The following CSMD1 variants were observed in gnomAD, a reference collection of about 807,000 sequenced individuals.
CSMD1 encodes the protein CUB and Sushi multiple domains 1.
Under a neutral mutation model 417.5 loss-of-function variants are expected in CSMD1, and 213 were observed. The ratio of observed to expected loss-of-function variants is 0.51; its 90% CI spans 0.46 to 0.57. The LOEUF (loss-of-function observed/expected upper bound fraction) is 0.57. Ranked by LOEUF, CSMD1 falls within the 20% of genes least tolerant of loss-of-function variation. The pLI, the probability that CSMD1 is intolerant of heterozygous loss-of-function variation, is 0.00. For synonymous variants in CSMD1, 2,862 were observed against 1,736.8 expected (o/e 1.65, Z -16.11); for missense variants, 6,923 against 4,529.7 (o/e 1.53, Z -15.17).
chr8:3,086,971 T>G, intron 49 of CSMD1, 126 bp downstream of exon 49: 3 of 887,346 alleles, frequency 3.4e-6, no homozygotes. Flanking sequence ...TTCGTACTGT[T>G]ATAAGCCAAC....
intron 5 of CSMD1, among the ~76,000 whole-genome samples, chr8:3,818,175 C>G (rs1159895021): frequency 5.3e-5 from 8 of 151,898 alleles, no homozygotes; most frequent in African/African-American, 9.7e-5. Context: ...CATAGGATGC[C>G]AACTGCACAC....
chr8:3,694,927 G>C (rs886468598), intron 7 of CSMD1, among the ~76,000 whole-genome samples: 1 of 151,972 alleles, frequency 6.6e-6, no homozygotes, highest in Non-Finnish European at 1.5e-5. Flanking sequence ...TTAGCACCAC[G>C]TGTAGCTTGC....
chr8:4,018,739 G>C (rs762710781), intron 4 of CSMD1, among the ~76,000 whole-genome samples: 45 of 152,134 alleles, frequency 3.0e-4, no homozygotes, highest in South Asian at 6.2e-4. Context: ...GAAGAGAACG[G>C]ACAGCATGTG....
At chr8:4,143,320 A>G (rs976938288) in intron 3 of CSMD1, among the ~76,000 whole-genome samples, 6 of 148,608 alleles carry the variant, frequency 4.0e-5, no homozygotes, top group Non-Finnish European at 8.9e-5. Context: ...TTTTATTTCC[A>G]GTTCTTCAAA....
chr8:4,060,438 G>T (rs919773741), intron 3 of CSMD1, among the ~76,000 whole-genome samples: 4 of 152,154 alleles, frequency 2.6e-5, no homozygotes, highest in African/African-American at 9.7e-5. Context: ...TGGAAGTTCT[G>T]GCCATATTGG....
intron 1 of CSMD1, among the ~76,000 whole-genome samples, chr8:4,761,373 TG>T (rs1246417963): frequency 0.033 from 246 of 7,448 alleles, 1 homozygote; most frequent in Middle Eastern, 0.15. Flanking sequence ...TGTTACTTGG[TG>T]TGTGTGTGTG....
Position 3,412,012 on chromosome 8 carries a change from A to G in CSMD1, c.1562-2407T>C, listed in dbSNP as rs1304218306. Among the ~76,000 whole-genome samples, 17 of 18,328 alleles carry G rather than the reference A, an allele frequency of 9.3e-4. 5 individuals carry two copies. The highest frequency in any genetic ancestry group is 1.2e-3 in the Non-Finnish European group (9 of 7,392). The allele number at this position is 18,328 out of a possible 152,430, so 12.0% of individuals were successfully genotyped here. A position where few individuals can be genotyped will look rare whatever the true frequency, so the allele number is the denominator to read the frequency against. ...TATACGTGTATATACACGTATATATATACATATACACACGTATATATACAC... is the reference window on the plus strand; with the variant it reads ...TATACGTGTATATACACGTATATATGTACATATACACACGTATATATACAC... On this transcript the variant is annotated intron_variant, in intron 12 of 69. Transcript: ENST00000635120.
At chr8:4,086,917 G>A (rs1385482046) in intron 3 of CSMD1, among the ~76,000 whole-genome samples, 1 of 152,216 alleles carries the variant, frequency 6.6e-6, no homozygotes, top group Non-Finnish European at 1.5e-5. Flanking sequence ...AAGGGTTGAA[G>A]CTTGTTAAAC....
intron 4 of CSMD1, among the ~76,000 whole-genome samples, chr8:4,018,273 G>A (rs1247484966): frequency 6.6e-6 from 1 of 151,936 alleles, no homozygotes; most frequent in South Asian, 2.1e-4. Flanking sequence ...TGGTGTTTGA[G>A]AGTCTATCTT....
chr8:4,915,022 A>G (rs558690619), intron 1 of CSMD1, among the ~76,000 whole-genome samples: 1 of 152,324 alleles, frequency 6.6e-6, no homozygotes, highest in South Asian at 2.1e-4. Flanking sequence ...TTCATATTAG[A>G]TATGAGAAAC....
At chr8:4,097,249 C>G (rs1032320439) in intron 3 of CSMD1, among the ~76,000 whole-genome samples, 3 of 152,066 alleles carry the variant, frequency 2.0e-5, no homozygotes, top group African/African-American at 7.2e-5. Context: ...GTACAAAGAA[C>G]TGGAAATCAG....
chr8:4,291,322 C>A (rs754375089), intron 3 of CSMD1, among the ~76,000 whole-genome samples: 12 of 151,968 alleles, frequency 7.9e-5, no homozygotes, highest in African/African-American at 1.4e-4. Flanking sequence ...GGATAATGAT[C>A]ATAATACTTT....
At chr8:3,755,479 G>A (rs143731065) in intron 5 of CSMD1, among the ~76,000 whole-genome samples, 1 of 152,024 alleles carries the variant, frequency 6.6e-6, no homozygotes, top group South Asian at 2.1e-4. Context: ...ATCTGTAAGG[G>A]TTTAAGCAAA....
intron 12 of CSMD1, among the ~76,000 whole-genome samples, chr8:3,432,655 A>G (rs759373503): frequency 4.6e-5 from 7 of 151,968 alleles, no homozygotes; most frequent in Non-Finnish European, 1.0e-4. Flanking sequence ...AGCTGGGACT[A>G]CAGGCGTGTG....
intron 23 of CSMD1, 87 bp downstream of exon 23, chr8:3,343,207 T>C: frequency 1.7e-6 from 2 of 1,188,284 alleles, no homozygotes; most frequent in Non-Finnish European, 2.4e-6. Flanking sequence ...CAGAAAAAAA[T>C]CAATATTTAA....
intron 3 of CSMD1, among the ~76,000 whole-genome samples, chr8:4,034,001 C>G (rs1477814708): frequency 2.0e-5 from 3 of 152,292 alleles, no homozygotes; most frequent in Non-Finnish European, 4.4e-5. Flanking sequence ...TAGAGAAATA[C>G]AAACACTTCC....
At chr8:3,459,290 G>A (rs552186066) in intron 12 of CSMD1, among the ~76,000 whole-genome samples, 3 of 152,186 alleles carry the variant, frequency 2.0e-5, no homozygotes, top group African/African-American at 7.2e-5. Context: ...GGCGAGGAGA[G>A]ACAGGCCGGT....
In CSMD1 at chr8:3,808,322, T is replaced by C. The variant is rs1488519306; in HGVS notation, c.819-54280A>G. On this transcript the variant is annotated intron_variant, in intron 5 of 69. Coordinates refer to ENST00000635120, the MANE Select transcript of CSMD1 (RefSeq NM_033225.6). ...TTTATATTAATGGGAGCCTCTCTTC[T>C]CTAAAGACAAATTTCTGGAAATGTT... 2.0e-5 allele frequency among the ~76,000 whole-genome samples: 3 copies of C among 152,282 alleles called. No homozygotes were observed. In the East Asian group the frequency reaches 5.8e-4, roughly 29 times the overall value.
chr8:4,484,332 A>T (rs1195619537), intron 2 of CSMD1, among the ~76,000 whole-genome samples: 1 of 152,166 alleles, frequency 6.6e-6, no homozygotes, highest in African/African-American at 2.4e-5. Flanking sequence ...GATTTAAAAA[A>T]TTTTAACATT....
Sources: allele counts gnomAD v4.1 joint callset (sites outside exome capture counted in the v4.1 genomes callset), GRCh38; gene constraint gnomAD v4.1.1; transcripts MANE v1.5; gene names NCBI Gene and HGNC (gene_info 2026-07-23, HGNC 2026-07-21).